Variants in DNAH17 observed in about 807,000 individuals in gnomAD.
The protein encoded by DNAH17 is dynein axonemal heavy chain 17, also known as axonemal beta dynein heavy chain 17.
Under a neutral mutation model 485.6 loss-of-function variants are expected in DNAH17, and 376 were observed. That is an observed-to-expected ratio of 0.77 (90% CI 0.71 to 0.84). The LOEUF is 0.84. Ranked by LOEUF, DNAH17 falls within the 40% of genes least tolerant of loss-of-function variation. The probability of loss-of-function intolerance (pLI) is 0.00; values close to 1 mark genes in which losing one functional copy is unlikely to be tolerated. For missense variants in DNAH17, 6,370 were observed against 5,839.3 expected (o/e 1.09, Z -2.96); for synonymous variants, 3,031 against 2,405.9 (o/e 1.26, Z -7.60).
rs758185552 is a variant in DNAH17 at position 78,563,361 on chromosome 17, C to A, written c.1570-1381G>T. ...GGTCGCCTGCTGACGTATGAGGTCA[C>A]CAGTTTCATTTGTTCAAAGCATTGA... On this transcript the variant is annotated intron_variant, in intron 11 of 80. Coordinates refer to ENST00000389840, the MANE Select transcript of DNAH17 (RefSeq NM_173628.4). Among the ~76,000 whole-genome samples, 6 of 152,040 alleles carry A rather than the reference C, an allele frequency of 3.9e-5. No homozygotes were observed. The South Asian group carries it at 6.2e-4, about 16-fold the overall frequency.
intron 66 of DNAH17, 132 bp from the exon 67 acceptor site, chr17:78,450,978 A>AG: frequency 1.7e-6 from 2 of 1,165,148 alleles, no homozygotes; most frequent in Non-Finnish European, 1.2e-6. Context: ...AGGTCCTGGA[A>AG]GGGGCTGCAG....
At chr17:78,470,643 T>C (rs2088705615) in intron 54 of DNAH17, among the ~76,000 whole-genome samples, 1 of 152,148 alleles carries the variant, frequency 6.6e-6, no homozygotes, top group Admixed American at 6.5e-5. Flanking sequence ...GAGCCGATAT[T>C]GTGCCATTGC....
At chr17:78,549,283 CCTCT>C (rs142556463) in intron 16 of DNAH17, among the ~76,000 whole-genome samples, 7,421 of 152,228 alleles carry the variant, frequency 0.049, 316 homozygotes, top group African/African-American at 0.11. Context: ...ACCAGAGCAA[CCTCT>C]CTCTACTACG....
At chr17:78,536,829 G>A (rs549910636) in intron 19 of DNAH17, among the ~76,000 whole-genome samples, 1 of 152,208 alleles carries the variant, frequency 6.6e-6, no homozygotes. Flanking sequence ...GACAGATGTG[G>A]GAGTGGGGAG....
intron 49 of DNAH17, among the ~76,000 whole-genome samples, chr17:78,480,393 A>G (rs1398880090): frequency 6.6e-6 from 1 of 152,168 alleles, no homozygotes; most frequent in Admixed American, 6.6e-5. Context: ...TGTCCCAAAT[A>G]TTGTATGTAA....
rs1444204783 is a variant in DNAH17 at position 78,490,858 on chromosome 17, G to A, written c.6670-11C>T. On this transcript the variant is annotated splice_polypyrimidine_tract_variant and intron_variant, in intron 43 of 80. Coordinates refer to ENST00000389840, the MANE Select transcript of DNAH17 (RefSeq NM_173628.4). ...GGCCAGGGTGAGGACCTAGGAGGGG[G>A]ACAGCAGCCCGTGGGGTCCTAAGGC... 6.3e-7 allele frequency: 1 copy of A among 1,587,884 alleles called. No homozygotes were observed. Among genetic ancestry groups the A allele is most frequent in the East Asian group, 2.3e-5 (1 of 43,792 alleles).
Position 78,488,429 on chromosome 17 carries a change from G to C in DNAH17, c.6819-1923C>G, listed in dbSNP as rs1050152848. Among the ~76,000 whole-genome samples the C allele has an allele frequency of 2.0e-5, 3 of 152,236 alleles. No homozygotes were observed. The South Asian group carries it at 6.2e-4, about 32-fold the overall frequency. ...CCTGCTTCCTCCAGGTCACTCCTTG[G>C]AGGTGTCCAGTTCCTGCCTTGGCCC... On this transcript the variant is annotated intron_variant, in intron 44 of 80. Coordinates refer to ENST00000389840, the MANE Select transcript of DNAH17 (RefSeq NM_173628.4).
At chr17:78,545,884 G>A (rs1286139254) in intron 16 of DNAH17, among the ~76,000 whole-genome samples, 2 of 151,876 alleles carry the variant, frequency 1.3e-5, no homozygotes, top group Non-Finnish European at 2.9e-5. Flanking sequence ...ATATATTTTT[G>A]CCTCTAGTTG....
chr17:78,549,682 G>A (rs530459099), intron 16 of DNAH17, among the ~76,000 whole-genome samples: 3 of 152,330 alleles, frequency 2.0e-5, no homozygotes, highest in South Asian at 4.1e-4. Flanking sequence ...GAGACAGAGA[G>A]AAAGTGCTGC....
chr17:78,447,213 C>T (rs1419018715), intron 69 of DNAH17, among the ~76,000 whole-genome samples: 3 of 152,184 alleles, frequency 2.0e-5, no homozygotes, highest in Non-Finnish European at 4.4e-5. Flanking sequence ...AGGCATGAGC[C>T]TCAGTGCCCG....
intron 62 of DNAH17, among the ~76,000 whole-genome samples, chr17:78,457,023 G>A (rs2087834395): frequency 6.6e-6 from 1 of 152,244 alleles, no homozygotes; most frequent in Non-Finnish European, 1.5e-5. Context: ...CAGCCCTGGG[G>A]CTCCCAAACA....
chr17:78,483,195 C>T (rs1321218681), intron 48 of DNAH17, among the ~76,000 whole-genome samples: 1 of 152,236 alleles, frequency 6.6e-6, no homozygotes, highest in African/African-American at 2.4e-5. Context: ...GCTTTGTCAC[C>T]TCCCCCAGGG....
chr17:78,429,936 G>C lies in DNAH17; in HGVS notation c.12226-636C>G, dbSNP rs115997832. Among the ~76,000 whole-genome samples the C allele has an allele frequency of 5.1e-3, 771 of 152,282 alleles. 8 individuals are homozygous for C. Among genetic ancestry groups the C allele is most frequent in the African/African-American group, 0.017 (720 of 41,546 alleles). On this transcript the variant is annotated intron_variant, in intron 75 of 80. Transcript: ENST00000389840. ...AGTCACATAGAGGGTTTGAGCAAGTGACTTATCTGACCTAGGCTGCCCGGG... is the reference window on the plus strand; with the variant it reads ...AGTCACATAGAGGGTTTGAGCAAGTCACTTATCTGACCTAGGCTGCCCGGG...
Position 78,466,720 on chromosome 17 carries a change from C to G in DNAH17, c.8875G>C (p.Glu2959Gln). The G allele has an allele frequency of 6.2e-7, 1 of 1,612,920 alleles. No individual in the cohort carries two copies. The highest frequency in any genetic ancestry group is 8.5e-7 in the Non-Finnish European group (1 of 1,179,592). ...VNCTAIDWFHEWPEDALVSVS... is the reference protein window; with the variant it reads ...VNCTAIDWFHQWPEDALVSVS... ...GACACCAGCGCATCTTCCGGCCACT[C>G]GTGGAACCAGTCGATGGCCGTGCAG... Residue 2959 changes from glutamate (E) to glutamine (Q), a missense_variant, in exon 56 of 81, where the codon GAG becomes CAG. Transcript: ENST00000389840.
chr17:78,450,438 A>ATCTGCATGAGCCAT, intron 67 of DNAH17, 44 bp from the exon 68 acceptor site: 1 of 1,608,066 alleles, frequency 6.2e-7, no homozygotes, highest in Non-Finnish European at 8.5e-7. Flanking sequence ...GCAGATGGGC[A>ATCTGCATGAGCCAT]GTGCCATGAG....
Position 78,423,907 on chromosome 17 carries a change from T to C in DNAH17, c.13388A>G (p.Ter4463TrpextTer24), listed in dbSNP as rs1437927522. ...LAAVALLLQV[*>W] is the part of the protein sequence containing the mutation. ...TGTGGGCTGTGAGGCAGGAGCGAGC[T>C]AAACCTGTAGGAGCAGCGCCACGGC... is the stretch of plus-strand genomic sequence containing the variant. Residue 4463 changes from the stop codon to tryptophan (W), a stop_lost, in exon 81 of 81, where the codon TAG (stop) becomes TGG (tryptophan). Transcript: ENST00000389840. The C allele has an allele frequency of 6.2e-7, 1 of 1,613,934 alleles. No homozygotes were observed.
intron 16 of DNAH17, among the ~76,000 whole-genome samples, 196 bp downstream of exon 16, chr17:78,551,339 A>G (rs1305068056): frequency 1.3e-5 from 2 of 152,212 alleles, no homozygotes; most frequent in Non-Finnish European, 1.5e-5. Flanking sequence ...GCAGAACTGA[A>G]TTTCACAGAG....
intron 64 of DNAH17, among the ~76,000 whole-genome samples, chr17:78,453,684 A>G (rs2087655397): frequency 6.6e-6 from 1 of 152,140 alleles, no homozygotes; most frequent in Non-Finnish European, 1.5e-5. Context: ...TGGAGATGAA[A>G]ATGGAAACAG....
intron 25 of DNAH17, among the ~76,000 whole-genome samples, chr17:78,524,532 C>G (rs80068926): frequency 0.061 from 9,236 of 152,198 alleles, 385 homozygotes; most frequent in South Asian, 0.13. Flanking sequence ...AGGGGACTGT[C>G]TATGAGCCAC....
Sources: gnomAD v4.1 joint callset for allele counts (sites outside exome capture counted in the v4.1 genomes callset) on GRCh38, gnomAD v4.1.1 for gene constraint, MANE v1.5 for transcripts, NCBI Gene and HGNC (gene_info 2026-07-23, HGNC 2026-07-21) for gene names.